AFMID: variants seen among roughly 807,000 people sequenced by gnomAD.
The protein encoded by AFMID is arylformamidase.
AFMID carries 39 observed loss-of-function variants against 47.5 expected under a neutral mutation model. The ratio of observed to expected loss-of-function variants is 0.82; its 90% confidence interval spans 0.64 to 1.07. The LOEUF is 1.07. AFMID is among the 50% of genes least tolerant of loss of function. The pLI is 0.00. For synonymous variants in AFMID, 130 were observed against 153.2 expected (o/e 0.85, Z 1.12); for missense variants, 375 against 387.5 (o/e 0.97, Z 0.27).
intron 2 of AFMID, among the ~76,000 whole-genome samples, chr17:78,195,575 T>C (rs2076091618): frequency 1.3e-5 from 2 of 150,676 alleles, no homozygotes; most frequent in South Asian, 4.2e-4. Context: ...CGATCTCAGC[T>C]CACCGCAACC....
At chr17:78,197,220 TCTTCACACTGTG>T in intron 2 of AFMID, 1 of 1,550,460 alleles carries the variant, frequency 6.4e-7, no homozygotes. Flanking sequence ...AGGCACATTG[TCTTCACACTGTG>T]CTGGGGCAGG....
intron 2 of AFMID, among the ~76,000 whole-genome samples, chr17:78,196,503 A>C (rs8066642): frequency 0.18 from 28,020 of 152,138 alleles, 3,729 homozygotes; most frequent in African/African-American, 0.35. Context: ...ACACGACAAA[A>C]CACCTTCTCT....
intron 2 of AFMID, among the ~76,000 whole-genome samples, chr17:78,196,571 G>A (rs1320129644): frequency 3.3e-5 from 5 of 151,968 alleles, no homozygotes; most frequent in African/African-American, 1.2e-4. Context: ...CCCAGCCACC[G>A]GGGAGGCTGA....
intron 4 of AFMID, 110 bp downstream of exon 4, chr17:78,202,861 C>T (rs2076282901): frequency 1.5e-6 from 2 of 1,312,176 alleles, no homozygotes; most frequent in Non-Finnish European, 2.1e-6. Flanking sequence ...GCACTCCTTG[C>T]AGGGCTGTGT....
At chr17:78,205,013 A>C (rs1399688006) in intron 6 of AFMID, 80 bp from the exon 7 acceptor site, 1 of 1,567,162 alleles carries the variant, frequency 6.4e-7, no homozygotes, top group East Asian at 2.3e-5. Flanking sequence ...AGCAGAAAGC[A>C]AATTGGGACT....
chr17:78,191,136 G>A lies in AFMID; in HGVS notation c.154+76G>A. The A allele has an allele frequency of 2.1e-5, 28 of 1,345,420 alleles. 2 individuals are homozygous for A. The South Asian group carries it at 3.2e-4, about 15-fold the overall frequency. 83.3% of individuals were successfully genotyped at this position (1,345,420 alleles called of 1,614,324 possible). A position where few individuals can be genotyped will look rare whatever the true frequency, so the allele number is the denominator to read the frequency against. On this transcript the variant is annotated intron_variant, in intron 2 of 10. Transcript: ENST00000409257. Reference sequence around the variant, plus strand: ...CAGTGATTCAGAATGCTGGGGGTTGGGGGGGCTGTGCTGCACCACCTGGGC... The same window carrying A: ...CAGTGATTCAGAATGCTGGGGGTTGAGGGGGCTGTGCTGCACCACCTGGGC...
chr17:78,190,946 G>A lies in AFMID; in HGVS notation c.64-24G>A, dbSNP rs772176978. The A allele has an allele frequency of 7.5e-6, 12 of 1,609,436 alleles. No homozygotes were observed. In the South Asian group the frequency reaches 1.2e-4, roughly 16 times the overall value. ...CTCTGTTGAGAAGGAAAGTCTTACG[G>A]AGCCTCATGTTTGTGCCCTGCAGGA... On this transcript the variant is annotated intron_variant, in intron 1 of 10. Coordinates refer to ENST00000409257, the MANE Select transcript of AFMID (RefSeq NM_001010982.5).
chr17:78,194,110 G>GTTTTTTTTTTTTTTTTTTTT (rs200914851), intron 2 of AFMID, among the ~76,000 whole-genome samples: 1 of 145,344 alleles, frequency 6.9e-6, no homozygotes, highest in Non-Finnish European at 1.5e-5. Flanking sequence ...TATGTATTGG[G>GTTTTTTTTTTTTTTTTTTTT]TTTTTTTTTT....
In AFMID at chr17:78,200,105, C is replaced by T. The variant is rs79200534; in HGVS notation, c.155-2394C>T. 4.7e-3 allele frequency among the ~76,000 whole-genome samples: 710 copies of T among 150,946 alleles called. 45 individuals are homozygous for T. In the East Asian group the frequency reaches 0.12, roughly 26 times the overall value. ...CTGGGAACCTATGAAAATCCTAACC[C>T]TGGGAACCTATGAAGGTATTTCCTT... On this transcript the variant is annotated intron_variant, in intron 2 of 10. Transcript: ENST00000409257.
chr17:78,192,345 G>A (rs1485231184), intron 2 of AFMID, among the ~76,000 whole-genome samples: 1 of 78,232 alleles, frequency 1.3e-5, no homozygotes, highest in Non-Finnish European at 2.3e-5. Flanking sequence ...ACGGAGTTTT[G>A]CTCTTGCTGC....
Position 78,204,904 on chromosome 17 carries a change from G to A in AFMID, c.467+4G>A, listed in dbSNP as rs1443143986. ...AGAAGCGGTATCCAAGCAACAAGTGGGTGTTGCCAGTAGATTTTCTTCCTG... is the reference window on the plus strand; with the variant it reads ...AGAAGCGGTATCCAAGCAACAAGTGAGTGTTGCCAGTAGATTTTCTTCCTG... On this transcript the variant is annotated splice_donor_region_variant and intron_variant, in intron 6 of 10. Transcript: ENST00000409257. 2.5e-6 allele frequency: 4 copies of A among 1,614,164 alleles called. No homozygotes were observed. The highest frequency in any genetic ancestry group is 2.5e-6 in the Non-Finnish European group (3 of 1,180,014).
intron 2 of AFMID, chr17:78,197,191 C>A (rs1358521209): frequency 6.4e-7 from 1 of 1,550,752 alleles, no homozygotes; most frequent in East Asian, 2.4e-5. Flanking sequence ...TCTGATGAAG[C>A]CACTCCGATG....
chr17:78,200,413 C>G (rs946198766), intron 2 of AFMID, among the ~76,000 whole-genome samples: 1 of 152,210 alleles, frequency 6.6e-6, no homozygotes, highest in Admixed American at 6.5e-5. Context: ...CTCAGCCTCC[C>G]TGTAACCAGC....
Position 78,205,448 on chromosome 17 carries a change from C to G in AFMID, c.574C>G (p.Leu192Val). The G allele has an allele frequency of 1.2e-6, 2 of 1,614,202 alleles. No individual in the cohort carries two copies. The highest frequency in any genetic ancestry group is 3.3e-5 in the Admixed American group (2 of 60,016). ...GVTPNLRGFF[L>V]VSGVFDLEPI... is the part of the protein sequence containing the mutation. Reference sequence around the variant, plus strand: ...ATTCTGTACCTTCACAGGCTTTTTCCTGGTGAGTGGGGTCTTTGACCTGGA... The same window carrying G: ...ATTCTGTACCTTCACAGGCTTTTTCGTGGTGAGTGGGGTCTTTGACCTGGA... Residue 192 changes from leucine (L) to valine (V), a missense_variant, in exon 8 of 11, where the codon CTG (leucine) becomes GTG (valine). Physicochemically the swap from Leu to Val is conservative, Grantham distance 32. Coordinates refer to ENST00000409257, the MANE Select transcript of AFMID (RefSeq NM_001010982.5).
At chr17:78,197,365 T>C in intron 2 of AFMID, 1 of 658,434 alleles carries the variant, frequency 1.5e-6, no homozygotes, top group East Asian at 2.8e-5. Context: ...AGTGGTATGG[T>C]AATGGATGTA....
intron 4 of AFMID, chr17:78,204,015 C>G (rs2076313004): frequency 9.0e-6 from 1 of 111,212 alleles, no homozygotes; most frequent in African/African-American, 3.7e-5. Flanking sequence ...CAGAGCGAGA[C>G]TCTGTCTCAA....
At chr17:78,195,868 C>T (rs1009795293) in intron 2 of AFMID, among the ~76,000 whole-genome samples, 3 of 150,980 alleles carry the variant, frequency 2.0e-5, no homozygotes, top group Admixed American at 1.3e-4. Context: ...GTTTTTGAGA[C>T]GGAGTCTTGC....
intron 2 of AFMID, among the ~76,000 whole-genome samples, chr17:78,195,051 A>G (rs2076075531): frequency 6.6e-6 from 1 of 152,198 alleles, no homozygotes; most frequent in Non-Finnish European, 1.5e-5. Flanking sequence ...TCCAGATACA[A>G]AAGTTCAAAT....
At position 78,190,887 on chromosome 17, in the gene AFMID, G is replaced by A. The variant is rs1264835984; in HGVS notation, c.64-83G>A. The A allele has an allele frequency of 1.8e-5, 23 of 1,252,962 alleles. No homozygotes were observed. In the East Asian group the frequency reaches 5.5e-4, roughly 30 times the overall value. 77.6% of individuals were successfully genotyped at this position (1,252,962 alleles called of 1,614,324 possible). On this transcript the variant is annotated intron_variant, in intron 1 of 10. Transcript: ENST00000409257. The stretch of plus-strand genomic sequence containing the variant: ...GGGCGAGGGCTTCTAAGGCAGAGAG[G>A]AGCAGCCGGGCATGGGCGAGGGGGA...
Sources: gnomAD v4.1 joint callset for allele counts (sites outside exome capture counted in the v4.1 genomes callset) on GRCh38, gnomAD v4.1.1 for gene constraint, MANE v1.5 for transcripts, NCBI Gene and HGNC (gene_info 2026-07-23, HGNC 2026-07-21) for gene names.